Variants in THSD7B observed in about 807,000 individuals in gnomAD.
THSD7B encodes thrombospondin type 1 domain containing 7B, also known as thrombospondin type-1 domain-containing protein 7B.
In THSD7B, 138 loss-of-function variants were observed where a neutral mutation model predicts 213.6. That is an observed-to-expected ratio of 0.65 (90% CI 0.56 to 0.74). The LOEUF is 0.74. Ranked by LOEUF, THSD7B falls within the 30% of genes least tolerant of loss-of-function variation. The probability of loss-of-function intolerance (pLI) is 0.00; values close to 1 mark genes in which losing one functional copy is unlikely to be tolerated. For missense variants in THSD7B, 1,931 were observed against 1,991.5 expected (o/e 0.97, Z 0.58); for synonymous variants, 742 against 687.0 (o/e 1.08, Z -1.25).
chr2:137,415,055 CAAAA>C (rs56403642), intron 14 of THSD7B, among the ~76,000 whole-genome samples: 2 of 122,804 alleles, frequency 1.6e-5, no homozygotes, highest in African/African-American at 2.8e-5. Context: ...GACCCTGTCT[CAAAA>C]AAAAAAAAAA....
intron 12 of THSD7B, among the ~76,000 whole-genome samples, chr2:137,376,010 T>C (rs981696154): frequency 6.6e-6 from 1 of 152,206 alleles, no homozygotes; most frequent in African/African-American, 2.4e-5. Flanking sequence ...CAAGAAAATG[T>C]AGAATATACT....
intron 2 of THSD7B, among the ~76,000 whole-genome samples, chr2:136,903,159 G>GT (rs5834523): frequency 2.0e-4 from 30 of 151,644 alleles, no homozygotes; most frequent in South Asian, 1.0e-3. Context: ...CCAAAAAGGT[G>GT]TTTTTTTTAA....
intron 17 of THSD7B, among the ~76,000 whole-genome samples, chr2:137,577,497 G>T (rs921789555): frequency 6.6e-6 from 1 of 151,774 alleles, no homozygotes; most frequent in East Asian, 1.9e-4. Flanking sequence ...CCTTTGCCCC[G>T]ACACCTTCCA....
Position 137,132,834 on chromosome 2 carries a change from CTT to C in THSD7B, c.1369+17542_1369+17543del, listed in dbSNP as rs985298132. 7.9e-4 allele frequency among the ~76,000 whole-genome samples: 120 copies of C among 152,280 alleles called. 1 individual carries two copies. The highest frequency in any genetic ancestry group is 2.9e-3 in the African/African-American group (120 of 41,562). ...ACTTTTCCCTTGTATTCAACTGCCT[CTT>C]GTTAATGTCTATCCATTTCTCCCAG... On this transcript the variant is annotated intron_variant, in intron 5 of 27. Transcript: ENST00000409968.
At chr2:137,033,341 A>G (rs1267951612) in intron 2 of THSD7B, among the ~76,000 whole-genome samples, 2 of 152,194 alleles carry the variant, frequency 1.3e-5, no homozygotes, top group African/African-American at 4.8e-5. Flanking sequence ...CCAGCAGGCT[A>G]GCTCAGGCCG....
chr2:137,364,031 AG>A, intron 12 of THSD7B, among the ~76,000 whole-genome samples: 1 of 152,350 alleles, frequency 6.6e-6, no homozygotes, highest in Non-Finnish European at 1.5e-5. Flanking sequence ...CGCATCAAAA[AG>A]CTTATCCACC....
chr2:137,651,933 A>G (rs1017155234), intron 21 of THSD7B, among the ~76,000 whole-genome samples: 1 of 152,166 alleles, frequency 6.6e-6, no homozygotes, highest in Non-Finnish European at 1.5e-5. Flanking sequence ...TATGATTTCT[A>G]CTTTTTTGGA....
intron 12 of THSD7B, among the ~76,000 whole-genome samples, chr2:137,307,678 A>G (rs1328583796): frequency 6.6e-6 from 1 of 152,146 alleles, no homozygotes; most frequent in East Asian, 1.9e-4. Context: ...AAGATGAAAA[A>G]CAATGCTCAT....
chr2:137,492,827 G>A (rs1270010759), intron 15 of THSD7B, among the ~76,000 whole-genome samples: 2 of 152,026 alleles, frequency 1.3e-5, no homozygotes, highest in Admixed American at 1.3e-4. Context: ...AATAAACTAA[G>A]AAAAGTATCT....
At chr2:137,667,753 T>A in intron 26 of THSD7B, 21 bp from the exon 27 acceptor site, 1 of 1,582,874 alleles carries the variant, frequency 6.3e-7, no homozygotes. Flanking sequence ...AAGCTTCTTA[T>A]GTTATCTCTA....
chr2:136,990,055 C>A (rs147037736), intron 2 of THSD7B, among the ~76,000 whole-genome samples: 16 of 152,298 alleles, frequency 1.1e-4, no homozygotes, highest in Admixed American at 7.8e-4. Flanking sequence ...GTGACGATGG[C>A]TTTAAATCAT....
intron 13 of THSD7B, among the ~76,000 whole-genome samples, chr2:137,407,567 G>T (rs963091547): frequency 2.6e-5 from 4 of 151,914 alleles, no homozygotes; most frequent in Non-Finnish European, 5.9e-5. Flanking sequence ...CTTGTATTTT[G>T]TTATCTCTAA....
intron 15 of THSD7B, among the ~76,000 whole-genome samples, chr2:137,475,981 G>T (rs1350493197): frequency 6.6e-6 from 1 of 151,920 alleles, no homozygotes; most frequent in Non-Finnish European, 1.5e-5. Flanking sequence ...AGCATCTATT[G>T]TTTTTTCTCT....
intron 17 of THSD7B, among the ~76,000 whole-genome samples, chr2:137,607,637 C>G (rs1478173114): frequency 6.6e-6 from 1 of 152,158 alleles, no homozygotes; most frequent in Non-Finnish European, 1.5e-5. Context: ...CTTTCTTCCT[C>G]TCTCAATGCC....
intron 14 of THSD7B, among the ~76,000 whole-genome samples, chr2:137,428,944 T>C (rs1239391200): frequency 6.6e-6 from 1 of 152,178 alleles, no homozygotes; most frequent in East Asian, 1.9e-4. Context: ...CCCCTTCTGC[T>C]GTGTAAGGAG....
At chr2:137,129,587 G>A (rs13392359) in intron 5 of THSD7B, among the ~76,000 whole-genome samples, 2,994 of 151,874 alleles carry the variant, frequency 0.02, 107 homozygotes, top group African/African-American at 0.067. Context: ...CCACAGGCCC[G>A]TGCCACCACA....
chr2:137,172,107 A>G (rs533149089), intron 7 of THSD7B, among the ~76,000 whole-genome samples: 9 of 152,200 alleles, frequency 5.9e-5, no homozygotes, highest in African/African-American at 2.2e-4. Context: ...AATAAGACGT[A>G]TATTTTTTGG....
intron 15 of THSD7B, among the ~76,000 whole-genome samples, chr2:137,537,634 A>G (rs965217765): frequency 2.6e-5 from 4 of 151,694 alleles, no homozygotes; most frequent in African/African-American, 9.7e-5. Context: ...CTTTGGAACT[A>G]TTATTCTGTT....
At chr2:137,477,690 C>T (rs1262488486) in intron 15 of THSD7B, among the ~76,000 whole-genome samples, 2 of 151,794 alleles carry the variant, frequency 1.3e-5, no homozygotes, top group South Asian at 2.1e-4. Context: ...TGTGTATTCG[C>T]TACACAATAC....
Sources: gnomAD v4.1 joint callset for allele counts (sites outside exome capture counted in the v4.1 genomes callset) on GRCh38, gnomAD v4.1.1 for gene constraint, MANE v1.5 for transcripts, NCBI Gene and HGNC (gene_info 2026-07-23, HGNC 2026-07-21) for gene names.